The following RIMS2 variants were observed in gnomAD, a reference collection of about 807,000 sequenced individuals.
The protein encoded by RIMS2 is regulating synaptic membrane exocytosis protein 2.
In RIMS2, 59 loss-of-function variants were observed where a neutral mutation model predicts 174.4. The observed-to-expected ratio is 0.34, with a 90% CI of 0.27 to 0.42. RIMS2 has a LOEUF of 0.42. Ranked by LOEUF, RIMS2 falls within the 10% of genes least tolerant of loss-of-function variation. The pLI is 1.00. For missense variants in RIMS2, 1,620 were observed against 1,666.3 expected, an observed-to-expected ratio of 0.97 and a Z score of 0.48; for synonymous variants, 606 against 572.5, an observed-to-expected ratio of 1.06 and a Z score of -0.84.
chr8:103,522,159 G>T (rs146974073), intron 1 of RIMS2, among the ~76,000 whole-genome samples: 1,619 of 152,012 alleles, frequency 0.011, 17 homozygotes, highest in Non-Finnish European at 0.015. Flanking sequence ...ATCAATTGTT[G>T]TTCAATTGAA....
chr8:104,049,151 G>A (rs1385522044), intron 19 of RIMS2, among the ~76,000 whole-genome samples: 1 of 151,084 alleles, frequency 6.6e-6, no homozygotes, highest in East Asian at 1.9e-4. Context: ...AAGGCCGGGC[G>A]GTGGCTCACG....
intron 19 of RIMS2, among the ~76,000 whole-genome samples, chr8:104,015,190 C>T (rs796834033): frequency 6.6e-6 from 1 of 152,262 alleles, no homozygotes; most frequent in African/African-American, 2.4e-5. Flanking sequence ...CCTCTAAAAG[C>T]ATGGATAACT....
At chr8:104,179,651 A>G (rs1317741438) in intron 19 of RIMS2, among the ~76,000 whole-genome samples, 1 of 151,908 alleles carries the variant, frequency 6.6e-6, no homozygotes, top group Non-Finnish European at 1.5e-5. Context: ...GTAAAATAAC[A>G]GCAAATTATT....
At chr8:104,100,989 TAG>T (rs2097876169) in intron 19 of RIMS2, among the ~76,000 whole-genome samples, 1 of 138,230 alleles carries the variant, frequency 7.2e-6, no homozygotes, top group African/African-American at 2.7e-5. Context: ...ATATATTATA[TAG>T]TATATGTTAT....
intron 1 of RIMS2, among the ~76,000 whole-genome samples, chr8:103,684,179 T>C (rs2136822060): frequency 6.6e-6 from 1 of 152,226 alleles, no homozygotes; most frequent in African/African-American, 2.4e-5. Flanking sequence ...GACATAGAAA[T>C]ATTTCCTTTT....
chr8:103,920,802 A>G (rs1326339805), intron 9 of RIMS2: 1 of 393,304 alleles, frequency 2.5e-6, no homozygotes, highest in Non-Finnish European at 5.0e-6. Context: ...ATCCTGGCTA[A>G]CACGGTGAAA....
intron 3 of RIMS2, among the ~76,000 whole-genome samples, chr8:103,786,249 G>GT (rs2098442744): frequency 6.6e-6 from 1 of 152,046 alleles, no homozygotes; most frequent in Non-Finnish European, 1.5e-5. Flanking sequence ...TTTTTGAAGG[G>GT]TTTTTTGTGT....
intron 3 of RIMS2, among the ~76,000 whole-genome samples, chr8:103,777,982 A>C (rs1164856785): frequency 1.3e-5 from 2 of 152,004 alleles, no homozygotes; most frequent in Admixed American, 1.3e-4. Flanking sequence ...ATAGCATATA[A>C]TTTTAAGTTA....
intron 17 of RIMS2, among the ~76,000 whole-genome samples, chr8:104,002,791 A>G (rs1420121211): frequency 6.6e-6 from 1 of 152,128 alleles, no homozygotes; most frequent in Non-Finnish European, 1.5e-5. Flanking sequence ...ATAACATGAA[A>G]AGTTATGAGG....
chr8:103,905,518 T>C (rs1455386117), intron 4 of RIMS2, among the ~76,000 whole-genome samples: 1 of 152,100 alleles, frequency 6.6e-6, no homozygotes, highest in Non-Finnish European at 1.5e-5. Flanking sequence ...AGATATTTCG[T>C]TTTTAGTTTT....
chr8:103,577,451 C>T (rs777904781), intron 1 of RIMS2, among the ~76,000 whole-genome samples: 42 of 152,160 alleles, frequency 2.8e-4, no homozygotes, highest in Middle Eastern at 3.4e-3. Context: ...GAACATCACA[C>T]GCCGGGGCCT....
intron 2 of RIMS2, among the ~76,000 whole-genome samples, chr8:103,738,491 A>G (rs1278702315): frequency 6.6e-6 from 1 of 152,204 alleles, no homozygotes; most frequent in East Asian, 1.9e-4. Context: ...TCACGTCTAA[A>G]ACACCAAAAG....
In RIMS2 at chr8:103,539,237, C is replaced by G. The variant is rs756997687; in HGVS notation, c.176+38175C>G. The stretch of plus-strand genomic sequence containing the variant: ...AGAAAAAGATGACATTATTCTTCTA[C>G]TAAGAAATCTTTGATGGCTTCTCAT... On this transcript the variant is annotated intron_variant, in intron 1 of 23. Coordinates refer to ENST00000504942, the Ensembl canonical transcript of RIMS2. 5.3e-5 allele frequency among the ~76,000 whole-genome samples: 8 copies of G among 152,126 alleles called. No individual in the cohort carries two copies. The South Asian group carries it at 1.7e-3, about 32-fold the overall frequency.
chr8:103,918,409 T>G, intron 8 of RIMS2, 32 bp from the exon 12 acceptor site: 1 of 1,422,606 alleles, frequency 7.0e-7, no homozygotes. Context: ...TGAAACAGTT[T>G]CTGTCTTTCT....
intron 1 of RIMS2, among the ~76,000 whole-genome samples, chr8:103,608,678 G>A (rs2095246403): frequency 6.6e-6 from 1 of 151,982 alleles, no homozygotes; most frequent in Admixed American, 6.6e-5. Flanking sequence ...GCCATGTGCA[G>A]GATATAATCT....
At chr8:103,754,359 AG>A (rs1356624835) in intron 2 of RIMS2, among the ~76,000 whole-genome samples, 3 of 152,322 alleles carry the variant, frequency 2.0e-5, no homozygotes, top group Admixed American at 1.3e-4. Flanking sequence ...CGATGTGGTC[AG>A]TTTTAGAATA....
At chr8:104,242,584 A>T (rs758515761) in intron 19 of RIMS2, among the ~76,000 whole-genome samples, 1 of 152,184 alleles carries the variant, frequency 6.6e-6, no homozygotes, top group Non-Finnish European at 1.5e-5. Flanking sequence ...TCATGATATT[A>T]ACTTCTTTTA....
At chr8:104,114,956 T>C (rs2098256479) in intron 19 of RIMS2, among the ~76,000 whole-genome samples, 1 of 152,094 alleles carries the variant, frequency 6.6e-6, no homozygotes, top group Non-Finnish European at 1.5e-5. Flanking sequence ...TGCAAGTCAA[T>C]ATTTCTTTGT....
At chr8:103,761,064 G>T (rs1243758230) in intron 2 of RIMS2, among the ~76,000 whole-genome samples, 4 of 152,126 alleles carry the variant, frequency 2.6e-5, no homozygotes, top group Non-Finnish European at 5.9e-5. Flanking sequence ...GTTCATACGT[G>T]CTAACAACCA....
Sources: allele counts gnomAD v4.1 joint callset (sites outside exome capture counted in the v4.1 genomes callset), GRCh38; gene constraint gnomAD v4.1.1; transcripts MANE v1.5; gene names NCBI Gene and HGNC (gene_info 2026-07-23, HGNC 2026-07-21).